Variants in VPS13A observed in about 807,000 individuals in gnomAD.
VPS13A encodes vacuolar protein sorting 13 homolog A.
Under a neutral mutation model 390.9 loss-of-function variants are expected in VPS13A, and 264 were observed. That is an observed-to-expected ratio of 0.68 (90% CI 0.61 to 0.75). The LOEUF (loss-of-function observed/expected upper bound fraction) is 0.75, where lower values mean the gene tolerates loss of function less well. VPS13A is among the 30% of genes least tolerant of loss of function. VPS13A has a pLI of 0.00. For missense variants in VPS13A, 3,409 were observed against 3,733.9 expected (o/e 0.91, Z 2.27); for synonymous variants, 1,231 against 1,227.1 (o/e 1.00, Z -0.07).
intron 59 of VPS13A, among the ~76,000 whole-genome samples, chr9:77,361,601 CT>C (rs1376094805): frequency 6.6e-6 from 1 of 151,976 alleles, no homozygotes; most frequent in African/African-American, 2.4e-5. Flanking sequence ...ACTATTTAAA[CT>C]TAATCACCAT....
chr9:77,212,312 A>G (rs1005891360), intron 7 of VPS13A, among the ~76,000 whole-genome samples: 1 of 152,174 alleles, frequency 6.6e-6, no homozygotes, highest in Non-Finnish European at 1.5e-5. Context: ...ATACTGAGCT[A>G]CTTCAGTTGC....
Position 77,177,718 on chromosome 9 carries a change from CGGTGGTCGT to C in VPS13A, c.17_25del (p.Val6_Val8del), listed in dbSNP as rs774817295. The C allele has an allele frequency of 6.2e-7, 1 of 1,613,410 alleles. No individual in the cohort carries two copies. Among genetic ancestry groups the C allele is most frequent in the Non-Finnish European group, 8.5e-7 (1 of 1,179,628 alleles). On this transcript the variant is annotated inframe_deletion, in exon 1 of 72. Transcript: ENST00000360280. ...CGGCTGAGGAACATGGTTTTCGAGT[CGGTGGTCGT>C]GGACGTGTTGAACCGGTTCTTGGGG...
At chr9:77,364,627 T>C (rs73654022) in intron 59 of VPS13A, among the ~76,000 whole-genome samples, 1,916 of 152,176 alleles carry the variant, frequency 0.013, 41 homozygotes, top group African/African-American at 0.044. Flanking sequence ...TAGTCTAGAG[T>C]AGAATTCTGG....
intron 20 of VPS13A, among the ~76,000 whole-genome samples, chr9:77,248,195 C>T (rs921575285): frequency 2.0e-5 from 3 of 151,560 alleles, no homozygotes; most frequent in Admixed American, 6.6e-5. Flanking sequence ...CTTCTGTTTA[C>T]CTAAGTCATT....
At chr9:77,414,735 A>ACAAT in intron 71 of VPS13A, among the ~76,000 whole-genome samples, 1 of 111,150 alleles carries the variant, frequency 9.0e-6, no homozygotes, top group South Asian at 2.7e-4. Context: ...AACTTGAAGT[A>ACAAT]TAATTAATAA....
intron 68 of VPS13A, among the ~76,000 whole-genome samples, chr9:77,389,492 G>C (rs1347711118): frequency 6.6e-6 from 1 of 151,964 alleles, no homozygotes; most frequent in Admixed American, 6.6e-5. Flanking sequence ...TTTTTTCGTA[G>C]AGACAGGGTC....
At chr9:77,212,916 G>C in intron 7 of VPS13A, 53 bp from the exon 8 acceptor site, 2 of 1,564,718 alleles carry the variant, frequency 1.3e-6, no homozygotes, top group Admixed American at 1.7e-5. Context: ...TTATTACTCT[G>C]CTGTTTCAAA....
At chr9:77,300,096 T>C (rs1403089928) in intron 33 of VPS13A, among the ~76,000 whole-genome samples, 1 of 152,224 alleles carries the variant, frequency 6.6e-6, no homozygotes, top group Non-Finnish European at 1.5e-5. Context: ...TAAAAAAAAT[T>C]AGAATTATAT....
chr9:77,212,942 A>C, intron 7 of VPS13A, 27 bp from the exon 8 acceptor site: 1 of 1,612,374 alleles, frequency 6.2e-7, no homozygotes, highest in Non-Finnish European at 8.5e-7. Flanking sequence ...TGACCTTTTT[A>C]CTGCCATTGT....
In VPS13A at chr9:77,260,144, C is replaced by G. The variant is rs747937766; in HGVS notation, c.2347C>G (p.Gln783Glu). The stretch of plus-strand genomic sequence containing the variant: ...TTTACGAATCTCAGATAAAAAACTA[C>G]AAGGGATTATGGAATTGATTGAAAG... ...ISLRISDKKL[Q>E]GIMELIESIP... The change falls in exon 23 of 72, where the codon CAA becomes GAA. Residue 783 changes from glutamine (Q) to glutamate (E), a missense_variant. By Grantham distance (29) the Gln-to-Glu change is conservative. Coordinates refer to ENST00000360280, the MANE Select transcript of VPS13A (RefSeq NM_033305.3). 1 of 1,598,732 alleles carries G rather than the reference C, an allele frequency of 6.3e-7. No individual in the cohort carries two copies. The highest frequency in any genetic ancestry group is 2.2e-5 in the East Asian group (1 of 44,682).
chr9:77,308,603 A>G (rs1213791383), intron 35 of VPS13A, among the ~76,000 whole-genome samples: 1 of 152,214 alleles, frequency 6.6e-6, no homozygotes, highest in Non-Finnish European at 1.5e-5. Flanking sequence ...GGAACAGAGT[A>G]GAAGGAAGCA....
Position 77,214,332 on chromosome 9 carries a change from G to T in VPS13A, c.700G>T (p.Asp234Tyr). Reference sequence around the variant, plus strand: ...AAAGCAATTTGTCTTTTAATAGGACGACTTGAAGAATGGCATTGTCAATGA... The same window carrying T: ...AAAGCAATTTGTCTTTTAATAGGACTACTTGAAGAATGGCATTGTCAATGA... ...YLSDYDNSLD[D>Y]LKNGIVNENI... The change falls in exon 10 of 72, where the codon GAC becomes TAC. Residue 234 changes from aspartate to tyrosine, a missense_variant. Asp to Tyr is a radical substitution (Grantham distance 160, BLOSUM62 -3). This residue lies in a region of VPS13A where 2,717 missense variants were observed against 2,917.4 expected (regional missense o/e 0.93). Transcript: ENST00000360280. 2 of 1,612,630 alleles carry T rather than the reference G, an allele frequency of 1.2e-6. No individual in the cohort carries two copies. Among genetic ancestry groups the T allele is most frequent in the South Asian group, 2.2e-5 (2 of 91,006 alleles).
chr9:77,238,340 A>G lies in VPS13A; in HGVS notation c.1854A>G (p.Ala618=), dbSNP rs1824272715. 1 of 1,614,052 alleles carries G rather than the reference A, an allele frequency of 6.2e-7. No individual in the cohort carries two copies. The highest frequency in any genetic ancestry group is 8.5e-7 in the Non-Finnish European group (1 of 1,179,978). The change falls in exon 19 of 72, where the codon GCA becomes GCG. Residue 618 remains alanine (A), a synonymous_variant. Coordinates refer to ENST00000360280, the MANE Select transcript of VPS13A (RefSeq NM_033305.3). ...PKEVHLAQLT[A]ATLTKLEEFR... ...AGGTACATCTAGCACAGCTCACTGC[A>G]GCAACTTTGACAAAACTGGAAGAAT...
rs780216588 is a variant in VPS13A, at chr9:77,337,326, T to TA, written c.6173dup (p.Asn2058LysfsTer2). 1 of 1,612,998 alleles carries TA rather than the reference T, an allele frequency of 6.2e-7. No homozygotes were observed. The highest frequency in any genetic ancestry group is 1.1e-5 in the South Asian group (1 of 90,984). On this transcript the variant is annotated frameshift_variant, in exon 47 of 72. Coordinates refer to ENST00000360280, the MANE Select transcript of VPS13A (RefSeq NM_033305.3). LOFTEE classifies it high-confidence loss of function. ...GAAGGAATTGACTTTGAAGAGATTATAAAAAATGATGGTGCTCTTCTAAAG... is the reference window on the plus strand; with the variant it reads ...GAAGGAATTGACTTTGAAGAGATTATAAAAAAATGATGGTGCTCTTCTAAAG...
chr9:77,323,364 C>T, intron 45 of VPS13A, 137 bp downstream of exon 45: 2 of 1,035,426 alleles, frequency 1.9e-6, no homozygotes, highest in Non-Finnish European at 2.9e-6. Context: ...AAAGAAGACT[C>T]ACTACCACCA....
chr9:77,336,233 TAGG>T (rs1342182423), intron 46 of VPS13A, among the ~76,000 whole-genome samples: 1 of 152,030 alleles, frequency 6.6e-6, no homozygotes, highest in African/African-American at 2.4e-5. Context: ...GGGAGAGCAT[TAGG>T]AGAAATACCT....
chr9:77,349,764 C>T (rs938562029), intron 52 of VPS13A, among the ~76,000 whole-genome samples: 5 of 152,092 alleles, frequency 3.3e-5, no homozygotes, highest in African/African-American at 4.8e-5. Flanking sequence ...CTGCCTCAGC[C>T]TCCTGAATAG....
At chr9:77,204,371 C>G (rs1444182589) in intron 3 of VPS13A, among the ~76,000 whole-genome samples, 1 of 151,800 alleles carries the variant, frequency 6.6e-6, no homozygotes, top group Non-Finnish European at 1.5e-5. Flanking sequence ...TTTTGTAGTT[C>G]AAGAACCCTT....
At chr9:77,402,667 TAGAC>T (rs1355574093) in intron 68 of VPS13A, among the ~76,000 whole-genome samples, 1 of 152,202 alleles carries the variant, frequency 6.6e-6, no homozygotes, top group Non-Finnish European at 1.5e-5. Flanking sequence ...GTGTCATGGA[TAGAC>T]AGTGTTTCAA....
Sources: allele counts gnomAD v4.1 joint callset (sites outside exome capture counted in the v4.1 genomes callset), GRCh38; gene constraint gnomAD v4.1.1; regional missense constraint gnomAD v4.1.1; transcripts MANE v1.5; gene names NCBI Gene and HGNC (gene_info 2026-07-23, HGNC 2026-07-21).